DMD: variants seen among roughly 807,000 people sequenced by gnomAD.
The protein encoded by DMD is mutant dystrophin.
Under a neutral mutation model 330.1 loss-of-function variants are expected in DMD, and 63 were observed. The ratio of observed to expected loss-of-function variants is 0.19; its 90% CI spans 0.16 to 0.24. DMD has a LOEUF of 0.24. Among genes scored for constraint, DMD ranks in the 10% least tolerant of loss-of-function variants. The pLI is 1.00. For missense variants in DMD, 3,344 were observed against 2,684.1 expected (o/e 1.25, Z -5.43); for synonymous variants, 1,223 against 959.8 (o/e 1.27, Z -5.07).
intron 43 of DMD, among the ~76,000 whole-genome samples, chrX:32,283,231 G>C (rs777677594): frequency 2.7e-5 from 3 of 111,804 alleles, no homozygotes; most frequent in South Asian, 3.8e-4. Flanking sequence ...GCCCAGCTGA[G>C]TCAGTCAAGG....
intron 7 of DMD, among the ~76,000 whole-genome samples, chrX:32,802,821 C>G (rs1242557176): frequency 8.9e-6 from 1 of 111,764 alleles, no homozygotes; most frequent in Non-Finnish European, 1.9e-5. Flanking sequence ...AGGGATGAAG[C>G]CAACTTGATC....
intron 13 of DMD, among the ~76,000 whole-genome samples, chrX:32,577,973 A>C (rs2053246098): frequency 8.9e-6 from 1 of 112,522 alleles, no homozygotes; most frequent in Admixed American, 9.4e-5. Flanking sequence ...TTACCTATTT[A>C]TTGCTTAGCA....
chrX:31,620,414 A>ATTT (rs796904162), intron 55 of DMD, among the ~76,000 whole-genome samples: 17 of 97,635 alleles, frequency 1.7e-4, no homozygotes, highest in African/African-American at 6.4e-4. Context: ...CCATGACATA[A>ATTT]TTTTTTTTTT....
chrX:32,701,478 C>A (rs917743471), intron 7 of DMD, among the ~76,000 whole-genome samples: 1 of 111,509 alleles, frequency 9.0e-6, no homozygotes, highest in African/African-American at 3.3e-5. Flanking sequence ...AATTCTGAAG[C>A]CTAGAAATCT....
At chrX:32,247,370 T>C (rs950626262) in intron 43 of DMD, among the ~76,000 whole-genome samples, 6 of 112,189 alleles carry the variant, frequency 5.3e-5, no homozygotes, top group Non-Finnish European at 1.1e-4. Context: ...CAATCTATTA[T>C]AGTAGCAATA....
chrX:32,599,201 G>C (rs1167854304), intron 12 of DMD, among the ~76,000 whole-genome samples: 4 of 111,791 alleles, frequency 3.6e-5, no homozygotes, highest in Non-Finnish European at 7.5e-5. Flanking sequence ...GAATATAACT[G>C]TATTAGCTAA....
chrX:31,940,211 G>T lies in DMD; in HGVS notation c.6615-7984C>A, dbSNP rs1324104783. 8.9e-5 allele frequency among the ~76,000 whole-genome samples: 10 copies of T among 112,047 alleles called. No homozygotes were observed. The East Asian group carries it at 2.8e-3, about 32-fold the overall frequency. On this transcript the variant is annotated intron_variant, in intron 45 of 78. Coordinates refer to ENST00000357033, the MANE Select transcript of DMD (RefSeq NM_004006.3). ...ATTGAGGGGAAGATGGGGAGCAGTTGTGATTTTATAAAGGGTGATCATAGA... is the reference window on the plus strand; with the variant it reads ...ATTGAGGGGAAGATGGGGAGCAGTTTTGATTTTATAAAGGGTGATCATAGA...
At chrX:32,038,349 A>G (rs1275946080) in intron 44 of DMD, among the ~76,000 whole-genome samples, 1 of 111,968 alleles carries the variant, frequency 8.9e-6, no homozygotes, top group African/African-American at 3.2e-5. Flanking sequence ...CTCAAAATAA[A>G]TACATTAGCA....
intron 53 of DMD, among the ~76,000 whole-genome samples, chrX:31,668,033 T>C (rs754704542): frequency 1.4e-4 from 16 of 111,935 alleles, no homozygotes; most frequent in African/African-American, 5.2e-4. Flanking sequence ...ATGTTAACCA[T>C]CTTTTCATGT....
chrX:31,324,275 C>T (rs773631591), intron 61 of DMD, among the ~76,000 whole-genome samples: 6 of 110,802 alleles, frequency 5.4e-5, no homozygotes, highest in South Asian at 3.8e-4. Context: ...GATATCAGAG[C>T]GTAATAAGAC....
chrX:31,613,900 C>T (rs2078060438), intron 55 of DMD, among the ~76,000 whole-genome samples: 2 of 112,024 alleles, frequency 1.8e-5, no homozygotes, highest in South Asian at 7.5e-4. Context: ...AGTACATTTT[C>T]CACTACGGGT....
intron 5 of DMD, among the ~76,000 whole-genome samples, chrX:32,817,275 G>GA (rs1220960902): frequency 1.8e-3 from 199 of 109,711 alleles, no homozygotes; most frequent in African/African-American, 5.9e-3. Flanking sequence ...CTAAAATAAA[G>GA]AAAAAAAACA....
At chrX:33,081,274 G>A (rs2094926075) in intron 1 of DMD, among the ~76,000 whole-genome samples, 2 of 111,332 alleles carry the variant, frequency 1.8e-5, no homozygotes, top group African/African-American at 3.3e-5. Flanking sequence ...TCTTATTTTT[G>A]TTTCTTTCTT....
At chrX:31,934,471 GTTTT>G (rs1322356690) in intron 45 of DMD, among the ~76,000 whole-genome samples, 1 of 111,646 alleles carries the variant, frequency 9.0e-6, no homozygotes, top group Non-Finnish European at 1.9e-5. Context: ...ATGATTTATT[GTTTT>G]TAATTTTTGT....
intron 26 of DMD, 91 bp downstream of exon 26, chrX:32,454,571 C>G: frequency 1.4e-6 from 1 of 720,950 alleles, no homozygotes; most frequent in Non-Finnish European, 2.0e-6. Context: ...CAGGAAAGAG[C>G]AGACTGTATA....
chrX:31,491,282 T>G (rs16989669), intron 57 of DMD, among the ~76,000 whole-genome samples: 4,879 of 112,158 alleles, frequency 0.044, 286 homozygotes, highest in African/African-American at 0.15. Flanking sequence ...ATTGCAGTTC[T>G]CCTTAGAAAT....
At chrX:31,754,388 C>T (rs1284650038) in intron 51 of DMD, among the ~76,000 whole-genome samples, 2 of 110,937 alleles carry the variant, frequency 1.8e-5, no homozygotes, top group Non-Finnish European at 3.8e-5. Context: ...TGGTTTACAA[C>T]ACACAATTCT....
chrX:32,242,120 A>C (rs2148071368), intron 43 of DMD, among the ~76,000 whole-genome samples: 1 of 112,184 alleles, frequency 8.9e-6, no homozygotes, highest in East Asian at 2.8e-4. Context: ...TTTCCTTGGT[A>C]ACTGCAACAA....
At chrX:31,893,332 A>C (rs1044829512) in intron 47 of DMD, among the ~76,000 whole-genome samples, 1 of 111,117 alleles carries the variant, frequency 9.0e-6, no homozygotes, top group African/African-American at 3.3e-5. Flanking sequence ...CCATGTGGTT[A>C]ATTTCTGGCC....
Sources: gnomAD v4.1 joint callset for allele counts (sites outside exome capture counted in the v4.1 genomes callset) on GRCh38, gnomAD v4.1.1 for gene constraint, MANE v1.5 for transcripts, NCBI Gene and HGNC (gene_info 2026-07-23, HGNC 2026-07-21) for gene names.